CNTNAP5: variants seen among roughly 807,000 people sequenced by gnomAD.
CNTNAP5 encodes the protein contactin-associated protein-like 5.
Under a neutral mutation model 150.2 loss-of-function variants are expected in CNTNAP5, and 72 were observed. The observed-to-expected ratio is 0.48, with a 90% CI of 0.40 to 0.58. CNTNAP5 has a LOEUF of 0.58. Ranked by LOEUF, CNTNAP5 falls within the 20% of genes least tolerant of loss-of-function variation. CNTNAP5 has a pLI of 0.00. For missense variants in CNTNAP5, 1,636 were observed against 1,626.2 expected (o/e 1.01, Z -0.10); for synonymous variants, 672 against 619.8 (o/e 1.08, Z -1.25).
chr2:124,663,978 C>A (rs140947190), intron 13 of CNTNAP5, among the ~76,000 whole-genome samples: 38 of 152,116 alleles, frequency 2.5e-4, no homozygotes, highest in African/African-American at 8.0e-4. Context: ...TCAAGTGGAA[C>A]TTTTCTAACT....
intron 10 of CNTNAP5, among the ~76,000 whole-genome samples, chr2:124,532,864 G>T (rs943267126): frequency 1.3e-5 from 2 of 152,140 alleles, no homozygotes; most frequent in African/African-American, 4.8e-5. Context: ...TGCGGTAGAT[G>T]CTCAGTAAAT....
At chr2:124,520,160 C>T (rs1280530192) in intron 8 of CNTNAP5, among the ~76,000 whole-genome samples, 1 of 152,120 alleles carries the variant, frequency 6.6e-6, no homozygotes, top group South Asian at 2.1e-4. Context: ...GAGCTTTTCT[C>T]TTATCAAGAT....
At chr2:124,298,606 C>T (rs1020242232) in intron 3 of CNTNAP5, among the ~76,000 whole-genome samples, 22 of 152,108 alleles carry the variant, frequency 1.4e-4, no homozygotes, top group African/African-American at 4.3e-4. Context: ...GGTGATTGAC[C>T]TTATCTTGTC....
chr2:124,303,742 A>G (rs1053744629), intron 3 of CNTNAP5, among the ~76,000 whole-genome samples: 1 of 152,236 alleles, frequency 6.6e-6, no homozygotes, highest in Non-Finnish European at 1.5e-5. Flanking sequence ...AATAATAACA[A>G]TAATAACAGA....
chr2:124,293,904 G>T (rs1244843245), intron 3 of CNTNAP5, among the ~76,000 whole-genome samples: 1 of 152,140 alleles, frequency 6.6e-6, no homozygotes, highest in African/African-American at 2.4e-5. Flanking sequence ...TGAGTCTGGG[G>T]GGCTGAGAAG....
chr2:124,332,833 A>G (rs1167472207), intron 3 of CNTNAP5, among the ~76,000 whole-genome samples: 1 of 152,138 alleles, frequency 6.6e-6, no homozygotes, highest in East Asian at 1.9e-4. Flanking sequence ...TGTCTGTATT[A>G]GATTTAATGT....
At chr2:124,818,709 C>T (rs1388687827) in intron 19 of CNTNAP5, among the ~76,000 whole-genome samples, 1 of 152,106 alleles carries the variant, frequency 6.6e-6, no homozygotes, top group Non-Finnish European at 1.5e-5. Context: ...GCCCCCTGCC[C>T]TCTCCTCTGG....
intron 3 of CNTNAP5, among the ~76,000 whole-genome samples, chr2:124,288,746 A>T (rs1688214541): frequency 6.6e-6 from 1 of 152,110 alleles, no homozygotes; most frequent in Non-Finnish European, 1.5e-5. Flanking sequence ...AAAGTCATTT[A>T]TTTATTCCTT....
chr2:124,911,573 A>G (rs1678656537), intron 23 of CNTNAP5, 35 bp downstream of exon 23: 3 of 1,496,476 alleles, frequency 2.0e-6, no homozygotes, highest in Non-Finnish European at 1.8e-6. Flanking sequence ...GCAAAAAGAC[A>G]TAAACGATCC....
chr2:124,512,058 AGGT>A (rs1694605335), intron 8 of CNTNAP5, among the ~76,000 whole-genome samples: 1 of 151,806 alleles, frequency 6.6e-6, no homozygotes, highest in Non-Finnish European at 1.5e-5. Flanking sequence ...TATTGGTTGT[AGGT>A]ACTGAAGCTA....
chr2:124,838,588 G>A (rs756115597), intron 19 of CNTNAP5, among the ~76,000 whole-genome samples: 2 of 152,160 alleles, frequency 1.3e-5, no homozygotes, highest in Admixed American at 6.5e-5. Flanking sequence ...ATAAAGCAAT[G>A]TCTTATCTCA....
At chr2:124,385,646 T>C (rs1032334073) in intron 3 of CNTNAP5, among the ~76,000 whole-genome samples, 1 of 152,208 alleles carries the variant, frequency 6.6e-6, no homozygotes, top group Non-Finnish European at 1.5e-5. Context: ...TTTACAGATG[T>C]TGAAGTAGTA....
In CNTNAP5 at chr2:124,278,203, T is replaced by C. The variant is rs73952931; in HGVS notation, c.381+35810T>C. 5.3e-3 allele frequency among the ~76,000 whole-genome samples: 806 copies of C among 152,276 alleles called. 10 individuals are homozygous for C. Among genetic ancestry groups the C allele is most frequent in the African/African-American group, 0.018 (762 of 41,556 alleles). On this transcript the variant is annotated intron_variant, in intron 3 of 23. Coordinates refer to ENST00000682447, the MANE Select transcript of CNTNAP5 (RefSeq NM_001367498.1). ...CATCAAGGCAATGGACCCAATGCTA[T>C]ATTTAAGGAGAGACATTAAAAATAA...
At chr2:124,355,280 T>C (rs1689968008) in intron 3 of CNTNAP5, among the ~76,000 whole-genome samples, 1 of 152,190 alleles carries the variant, frequency 6.6e-6, no homozygotes, top group Non-Finnish European at 1.5e-5. Context: ...TTTTTCATTT[T>C]TCACATTTCT....
intron 3 of CNTNAP5, among the ~76,000 whole-genome samples, chr2:124,403,626 T>C (rs546734546): frequency 1.3e-5 from 2 of 152,330 alleles, no homozygotes; most frequent in South Asian, 4.1e-4. Flanking sequence ...CTCCATGCAC[T>C]GTTCTAGACA....
chr2:124,669,497 C>A (rs1158774296), intron 13 of CNTNAP5, among the ~76,000 whole-genome samples: 1 of 152,176 alleles, frequency 6.6e-6, no homozygotes, highest in Non-Finnish European at 1.5e-5. Flanking sequence ...AGGGCTCAGC[C>A]CAGGGCTCTC....
At chr2:124,274,187 TACCAAGAGCAC>T (rs1343391243) in intron 3 of CNTNAP5, among the ~76,000 whole-genome samples, 1 of 152,220 alleles carries the variant, frequency 6.6e-6, no homozygotes, top group Non-Finnish European at 1.5e-5. Flanking sequence ...GTGTATGTTA[TACCAAGAGCAC>T]ACCTTAATTT....
intron 12 of CNTNAP5, among the ~76,000 whole-genome samples, chr2:124,623,756 T>C (rs902187364): frequency 6.6e-6 from 1 of 152,200 alleles, no homozygotes; most frequent in Non-Finnish European, 1.5e-5. Context: ...AGGGAGGAGC[T>C]CACAAGCTGA....
intron 1 of CNTNAP5, among the ~76,000 whole-genome samples, chr2:124,211,936 A>G (rs1686024641): frequency 6.6e-6 from 1 of 152,190 alleles, no homozygotes; most frequent in East Asian, 1.9e-4. Context: ...ATTTAGAAAC[A>G]CTCAATGCAG....
Sources: allele counts gnomAD v4.1 joint callset (sites outside exome capture counted in the v4.1 genomes callset), GRCh38; gene constraint gnomAD v4.1.1; transcripts MANE v1.5; gene names NCBI Gene and HGNC (gene_info 2026-07-23, HGNC 2026-07-21).